The following NDUFAF6 variants were observed in gnomAD, a reference collection of about 807,000 sequenced individuals.
NDUFAF6 encodes the protein NADH:ubiquinone oxidoreductase complex assembly factor 6.
NDUFAF6 carries 45 observed loss-of-function variants against 40.8 expected under a neutral mutation model. The ratio of observed to expected loss-of-function variants is 1.10; its 90% CI spans 0.87 to 1.42. The LOEUF is 1.42. Among genes scored for constraint, NDUFAF6 ranks in the 40% most tolerant of loss-of-function variants. NDUFAF6 has a pLI of 0.00. For missense variants in NDUFAF6, 435 were observed against 418.5 expected (o/e 1.04, Z -0.34); for synonymous variants, 185 against 155.9 (o/e 1.19, Z -1.39).
chr8:95,077,705 C>T (rs762506042), downstream of NDUFAF6, among the ~76,000 whole-genome samples: 4 of 152,152 alleles, frequency 2.6e-5, no homozygotes, highest in African/African-American at 9.7e-5. Flanking sequence ...ATAGAACTCT[C>T]AGTTGTGGGA....
intron 1 of NDUFAF6, among the ~76,000 whole-genome samples, chr8:94,976,147 C>T (rs1311387352): frequency 1.4e-5 from 2 of 141,844 alleles, no homozygotes; most frequent in Non-Finnish European, 3.0e-5. Flanking sequence ...TGCAGTGAGC[C>T]GAGATCGTGC....
chr8:94,948,109 G>A (rs762433300), intron 2 of NDUFAF6, among the ~76,000 whole-genome samples: 4 of 152,302 alleles, frequency 2.6e-5, no homozygotes, highest in Admixed American at 2.0e-4. Context: ...GGGAGTCACA[G>A]TTGTAAAGAG....
At chr8:94,935,183 A>C (rs2131339344) in intron 1 of NDUFAF6, among the ~76,000 whole-genome samples, 1 of 151,128 alleles carries the variant, frequency 6.6e-6, no homozygotes, top group Admixed American at 6.6e-5. Context: ...ATATAATACA[A>C]TACTTTTCTT....
At chr8:95,067,596 A>C (rs1278017759) in intron 9 of NDUFAF6, 1 of 152,062 alleles carries the variant, frequency 6.6e-6, no homozygotes, top group Non-Finnish European at 1.5e-5. Flanking sequence ...CACGGAGGGG[A>C]GGGGCTCCTG....
chr8:95,112,717 C>G (rs1457685193), intron 4 of NDUFAF6, among the ~76,000 whole-genome samples: 2 of 152,350 alleles, frequency 1.3e-5, no homozygotes, highest in Middle Eastern at 3.4e-3. Context: ...CCTCCTGTCC[C>G]TCCATGCTCC....
intron 2 of NDUFAF6, among the ~76,000 whole-genome samples, chr8:95,102,608 T>C (rs1485634182): frequency 6.6e-6 from 1 of 152,122 alleles, no homozygotes; most frequent in Non-Finnish European, 1.5e-5. Flanking sequence ...AATTCATCTC[T>C]AGGATGCTCA....
chr8:95,023,092 T>C (rs1302616390), upstream of NDUFAF6: 1 of 152,240 alleles, frequency 6.6e-6, no homozygotes, highest in Non-Finnish European at 1.5e-5. Context: ...TTTAGAAGCT[T>C]AATTAACTTT....
intron 2 of NDUFAF6, among the ~76,000 whole-genome samples, chr8:94,952,663 T>G (rs954866696): frequency 5.3e-5 from 8 of 152,256 alleles, no homozygotes; most frequent in Middle Eastern, 3.2e-3. Flanking sequence ...AACAGGCGTT[T>G]AACTGGGCTG....
chr8:95,000,230 T>C (rs1826657919), intron 2 of NDUFAF6, among the ~76,000 whole-genome samples: 1 of 152,042 alleles, frequency 6.6e-6, no homozygotes, highest in South Asian at 2.1e-4. Flanking sequence ...CCAGCTACTC[T>C]GGAGGCTAAG....
chr8:95,117,573 G>T (rs1312627095), downstream of NDUFAF6, among the ~76,000 whole-genome samples: 1 of 152,150 alleles, frequency 6.6e-6, no homozygotes, highest in Non-Finnish European at 1.5e-5. Flanking sequence ...AAAAGTGAAC[G>T]CAATGCACAG....
chr8:94,943,438 G>A (rs1167873769), intron 1 of NDUFAF6, among the ~76,000 whole-genome samples: 1 of 152,192 alleles, frequency 6.6e-6, no homozygotes, highest in Non-Finnish European at 1.5e-5. Flanking sequence ...AGTAAGCTAT[G>A]ATTGTGCCAC....
chr8:94,924,164 G>A (rs558541100), intron 1 of NDUFAF6, among the ~76,000 whole-genome samples: 238 of 151,648 alleles, frequency 1.6e-3, no homozygotes, highest in African/African-American at 5.5e-3. Flanking sequence ...GGGTTCAAGC[G>A]ATTCTCCTGC....
At chr8:94,979,408 T>A (rs1308008307) in intron 1 of NDUFAF6, among the ~76,000 whole-genome samples, 1 of 152,178 alleles carries the variant, frequency 6.6e-6, no homozygotes, top group African/African-American at 2.4e-5. Flanking sequence ...GGGTCCTTCC[T>A]TGTTTTCAAA....
intron 5 of NDUFAF6, among the ~76,000 whole-genome samples, chr8:95,046,729 C>T (rs902047625): frequency 6.6e-6 from 1 of 152,042 alleles, no homozygotes; most frequent in African/African-American, 2.4e-5. Flanking sequence ...CCATGATAGC[C>T]GATTAAAATT....
At chr8:95,064,504 AGGT>A (rs1243114630) in intron 9 of NDUFAF6, among the ~76,000 whole-genome samples, 4 of 151,942 alleles carry the variant, frequency 2.6e-5, no homozygotes, top group African/African-American at 9.7e-5. Context: ...TAATTTCACC[AGGT>A]AAGAGATAGC....
At chr8:95,001,518 G>A (rs1429423764) in intron 2 of NDUFAF6, among the ~76,000 whole-genome samples, 1 of 152,108 alleles carries the variant, frequency 6.6e-6, no homozygotes, top group Non-Finnish European at 1.5e-5. Flanking sequence ...CTGTCCATAT[G>A]TTAATTGCAG....
At chr8:94,964,578 C>G (rs1249491201) in intron 1 of NDUFAF6, among the ~76,000 whole-genome samples, 1 of 152,068 alleles carries the variant, frequency 6.6e-6, no homozygotes, top group African/African-American at 2.4e-5. Context: ...TTGCTCATGG[C>G]AGAAGGCAAA....
chr8:95,106,723 A>T (rs879787077), downstream of NDUFAF6, among the ~76,000 whole-genome samples: 3 of 152,212 alleles, frequency 2.0e-5, no homozygotes, highest in Non-Finnish European at 4.4e-5. Flanking sequence ...AAATTTTTGC[A>T]ATCTATCCAT....
downstream of NDUFAF6, among the ~76,000 whole-genome samples, chr8:95,076,860 C>T (rs565598364): frequency 4.1e-3 from 470 of 115,474 alleles, no homozygotes; most frequent in African/African-American, 0.016. Context: ...GCAACAAGAG[C>T]GAAACTCCGT....
Sources: allele counts gnomAD v4.1 joint callset (sites outside exome capture counted in the v4.1 genomes callset), GRCh38; gene constraint gnomAD v4.1.1; transcripts MANE v1.5; gene names NCBI Gene and HGNC (gene_info 2026-07-23, HGNC 2026-07-21).